TEX29: variants seen among roughly 807,000 people sequenced by gnomAD.
The protein encoded by TEX29 is testis-expressed protein 29.
Under a neutral mutation model 18.2 loss-of-function variants are expected in TEX29, and 26 were observed. The ratio of observed to expected loss-of-function variants is 1.43; its 90% CI spans 1.04 to 1.98. The LOEUF is 1.98. Ranked by LOEUF, TEX29 falls within the 30% of genes most tolerant of loss-of-function variation. TEX29 has a pLI of 0.00. For synonymous variants in TEX29, 83 were observed against 78.5 expected, an observed-to-expected ratio of 1.06 and a Z score of -0.31; for missense variants, 177 against 194.2, an observed-to-expected ratio of 0.91 and a Z score of 0.53.
At chr13:111,335,602 G>C (rs1252675363) in intron 3 of TEX29, among the ~76,000 whole-genome samples, 2 of 152,246 alleles carry the variant, frequency 1.3e-5, no homozygotes, top group African/African-American at 4.8e-5. Context: ...TTCCATCATA[G>C]AGTTGGACTT....
chr13:111,339,143 C>T (rs2093693618), intron 3 of TEX29, among the ~76,000 whole-genome samples: 1 of 152,194 alleles, frequency 6.6e-6, no homozygotes, highest in Admixed American at 6.5e-5. Flanking sequence ...GGCGGGGCTG[C>T]CCCTCGTGGC....
intron 3 of TEX29, chr13:111,339,192 A>G: frequency 4.4e-6 from 2 of 450,228 alleles, no homozygotes; most frequent in South Asian, 3.1e-5. Context: ...GCTGGGTTGG[A>G]GAAGGCACGG....
In TEX29 at chr13:111,335,307, C is replaced by T. The variant is rs189833781; in HGVS notation, c.170-4556C>T. On this transcript the variant is annotated intron_variant, in intron 3 of 5. Transcript: ENST00000283547. ...CCTTCACCTGACTCACCTGTCTCAT[C>T]GTAAAACCCATGCCCTTTAGCCAGA... Among the ~76,000 whole-genome samples the T allele has an allele frequency of 9.8e-5, 15 of 152,308 alleles. No individual in the cohort carries two copies. In the East Asian group the frequency reaches 1.4e-3, roughly 14 times the overall value.
rs375324052 is a variant in TEX29, at chr13:111,342,974, G to A, written c.415+43G>A. On this transcript the variant is annotated intron_variant, in intron 5 of 5. Transcript: ENST00000283547. ...TGATCCTCAGCCTAAGGTCAAGGGCGTGGCTCTGTTCCCTCGGGAGACCTT... is the reference window on the plus strand; with the variant it reads ...TGATCCTCAGCCTAAGGTCAAGGGCATGGCTCTGTTCCCTCGGGAGACCTT... 5.0e-6 allele frequency: 8 copies of A among 1,601,368 alleles called. No individual in the cohort carries two copies. The African/African-American group carries it at 8.0e-5, about 16-fold the overall frequency.
intron 3 of TEX29, among the ~76,000 whole-genome samples, chr13:111,335,894 C>T (rs2093688996): frequency 6.6e-6 from 1 of 152,208 alleles, no homozygotes; most frequent in South Asian, 2.1e-4. Flanking sequence ...GCCACCTCTC[C>T]CATCCCCTGA....
intron 2 of TEX29, among the ~76,000 whole-genome samples, chr13:111,327,012 A>C (rs1253706584): frequency 1.3e-5 from 2 of 152,026 alleles, no homozygotes; most frequent in African/African-American, 4.8e-5. Flanking sequence ...GGCCCCTCTG[A>C]GCCTGGCTGT....
intron 3 of TEX29, among the ~76,000 whole-genome samples, 180 bp downstream of exon 3, chr13:111,328,473 G>A (rs192533681): frequency 6.2e-4 from 94 of 152,302 alleles, no homozygotes; most frequent in African/African-American, 2.1e-3. Flanking sequence ...AGTGGGGTTT[G>A]GGCTGGAGGG....
At chr13:111,319,442 A>G (rs1219244768), upstream of TEX29, among the ~76,000 whole-genome samples, 2 of 152,180 alleles carry the variant, frequency 1.3e-5, no homozygotes, top group Non-Finnish European at 2.9e-5. Flanking sequence ...CTTCTGCAAC[A>G]TGAAAAATTC....
chr13:111,338,404 C>A (rs1020504390), intron 3 of TEX29, among the ~76,000 whole-genome samples: 13 of 152,050 alleles, frequency 8.5e-5, no homozygotes, highest in African/African-American at 2.7e-4. Context: ...TTCCCGGGAG[C>A]CTTTGAAAAG....
In TEX29 at chr13:111,320,644, A is replaced by G; in HGVS notation, c.-153A>G. 7.0e-6 allele frequency: 4 copies of G among 572,806 alleles called. No individual in the cohort carries two copies. Among genetic ancestry groups the G allele is most frequent in the Non-Finnish European group, 1.3e-5 (4 of 318,402 alleles). The allele number at this position is 572,806 out of a possible 1,614,324, so 35.5% of individuals were successfully genotyped here. A position where few individuals can be genotyped will look rare whatever the true frequency, so the allele number is the denominator to read the frequency against. ...TGCCCAGCCTGGTCCCACAGTCCAT[A>G]GTGAGCGGCAGACAGAGGGGTGGCC... On this transcript the variant is annotated 5_prime_UTR_variant, in exon 1 of 6. It adds an upstream start codon to the 5' untranslated region. Transcript: ENST00000283547.
chr13:111,318,647 G>T (rs1247662881), upstream of TEX29, among the ~76,000 whole-genome samples: 1 of 152,188 alleles, frequency 6.6e-6, no homozygotes, highest in Non-Finnish European at 1.5e-5. Flanking sequence ...GAAGCTCATT[G>T]ATGACGTGGT....
Position 111,342,873 on chromosome 13 carries a change from G to A in TEX29, c.357G>A (p.Ala119=), listed in dbSNP as rs1389230725. The A allele has an allele frequency of 2.5e-6, 4 of 1,614,076 alleles. No individual in the cohort carries two copies. Among genetic ancestry groups the A allele is most frequent in the East Asian group, 2.2e-5 (1 of 44,884 alleles). ...GCAGCAAGTTAGGGCTGAAGCCTGC[G>A]AGTCCTGGGCCTCCAAGTGCTGGGC... The part of the protein sequence containing the change: ...SSSSKLGLKP[A]SPGPPSAGPS... Residue 119 remains alanine, a synonymous_variant, in exon 5 of 6, where the codon GCG becomes GCA. Coordinates refer to ENST00000283547, the MANE Select transcript of TEX29 (RefSeq NM_152324.3).
chr13:111,343,001 C>T, intron 5 of TEX29, 70 bp downstream of exon 5: 1 of 1,546,516 alleles, frequency 6.5e-7, no homozygotes, highest in Non-Finnish European at 8.8e-7. Context: ...GGAGACCTTC[C>T]CTGGGAAGGG....
chr13:111,343,389 G>A (rs2093699876), intron 5 of TEX29, among the ~76,000 whole-genome samples: 1 of 151,736 alleles, frequency 6.6e-6, no homozygotes, highest in African/African-American at 2.4e-5. Context: ...TATTCTCTGT[G>A]GTGCCCTGGC....
intron 3 of TEX29, among the ~76,000 whole-genome samples, chr13:111,336,297 AC>A (rs1595691273): frequency 6.6e-6 from 1 of 152,148 alleles, no homozygotes; most frequent in Non-Finnish European, 1.5e-5. Flanking sequence ...CCCTCACATT[AC>A]TTTTCATTTC....
intron 2 of TEX29, among the ~76,000 whole-genome samples, chr13:111,325,798 A>G (rs1297698922): frequency 1.3e-5 from 2 of 152,316 alleles, no homozygotes; most frequent in Non-Finnish European, 2.9e-5. Flanking sequence ...TTAAAATGAG[A>G]AAGAATGTAT....
At chr13:111,333,610 A>T (rs1419614012) in intron 3 of TEX29, among the ~76,000 whole-genome samples, 1 of 152,236 alleles carries the variant, frequency 6.6e-6, no homozygotes, top group African/African-American at 2.4e-5. Flanking sequence ...TGAATGTATT[A>T]GTCATTTTTT....
chr13:111,334,589 A>T (rs2093687064), intron 3 of TEX29, among the ~76,000 whole-genome samples: 1 of 152,232 alleles, frequency 6.6e-6, no homozygotes, highest in South Asian at 2.1e-4. Flanking sequence ...ATTCCCAGGA[A>T]TGTGACAGAG....
chr13:111,336,874 C>T (rs996083485), intron 3 of TEX29, among the ~76,000 whole-genome samples: 1 of 152,116 alleles, frequency 6.6e-6, no homozygotes, highest in African/African-American at 2.4e-5. Flanking sequence ...TTGGCATCAA[C>T]GACAAAGAAC....
Sources: gnomAD v4.1 joint callset for allele counts (sites outside exome capture counted in the v4.1 genomes callset) on GRCh38, gnomAD v4.1.1 for gene constraint, MANE v1.5 for transcripts, NCBI Gene and HGNC (gene_info 2026-07-23, HGNC 2026-07-21) for gene names.